Variants in DPYSL5 observed in about 807,000 individuals in gnomAD.
DPYSL5 encodes the protein dihydropyrimidinase like 5.
In DPYSL5, 9 loss-of-function variants were observed where a neutral mutation model predicts 58.4. That is an observed-to-expected ratio of 0.15 (90% confidence interval 0.09 to 0.27). The LOEUF (loss-of-function observed/expected upper bound fraction) is 0.27. Ranked by LOEUF, DPYSL5 falls within the 10% of genes least tolerant of loss-of-function variation. The probability of loss-of-function intolerance (pLI) is 1.00; values close to 1 mark genes in which losing one functional copy is unlikely to be tolerated. For missense variants in DPYSL5, 499 were observed against 770.6 expected (o/e 0.65, Z 4.17); for synonymous variants, 293 against 301.9 (o/e 0.97, Z 0.31).
intron 2 of DPYSL5, among the ~76,000 whole-genome samples, chr2:26,921,928 T>C (rs1357058857): frequency 6.6e-6 from 1 of 152,078 alleles, no homozygotes; most frequent in Non-Finnish European, 1.5e-5. Context: ...CAAGACCACC[T>C]CCTATGCTTC....
In DPYSL5 at chr2:26,898,360, G is replaced by T. The variant is rs983052923; in HGVS notation, c.-4-136G>T. 2 of 1,240,802 alleles carry T rather than the reference G, an allele frequency of 1.6e-6. No homozygotes were observed. Among genetic ancestry groups the T allele is most frequent in the African/African-American group, 3.0e-5 (2 of 66,286 alleles). 76.9% of individuals were successfully genotyped at this position (1,240,802 alleles called of 1,614,324 possible). On this transcript the variant is annotated intron_variant, in intron 1 of 12. Coordinates refer to ENST00000288699, the MANE Select transcript of DPYSL5 (RefSeq NM_020134.4). The surrounding 1 kb of genome is among the most constrained non-coding windows in gnomAD (Gnocchi z 6.1). ...AGCCAGTGGGAGGCTTGTGACTCCC[G>T]CTGGCTGTAGGGGAAAGTTCCTCCT...
In DPYSL5 at chr2:26,925,340, G is replaced by A. The variant is rs1387180759; in HGVS notation, c.420+295G>A. ...GAGGCTCTTACCGTCTCGTGTGAAT[G>A]TAGGGCACCACTGACAGGTCATGGG... On this transcript the variant is annotated intron_variant, in intron 3 of 12. Coordinates refer to ENST00000288699, the MANE Select transcript of DPYSL5 (RefSeq NM_020134.4). The surrounding 1 kb of genome is among the most constrained non-coding windows in gnomAD (Gnocchi z 4.5). 6.6e-6 allele frequency among the ~76,000 whole-genome samples: 1 copy of A among 152,166 alleles called. No individual in the cohort carries two copies. The highest frequency in any genetic ancestry group is 6.5e-5 in the Admixed American group (1 of 15,288).
At chr2:26,920,256 T>A (rs1664671918) in intron 2 of DPYSL5, among the ~76,000 whole-genome samples, 2 of 152,168 alleles carry the variant, frequency 1.3e-5, no homozygotes, top group Admixed American at 1.3e-4. Context: ...AGTGGAAATA[T>A]GGGTATATGT....
chr2:26,871,342 T>G (rs939644690), intron 1 of DPYSL5, among the ~76,000 whole-genome samples: 1 of 152,228 alleles, frequency 6.6e-6, no homozygotes, highest in African/African-American at 2.4e-5. Context: ...TTTCTTTAAA[T>G]AGATTTACTT....
chr2:26,888,431 C>T (rs1309345228), intron 1 of DPYSL5, among the ~76,000 whole-genome samples: 1 of 151,998 alleles, frequency 6.6e-6, no homozygotes, highest in East Asian at 1.9e-4. Flanking sequence ...GCACCATGCC[C>T]AGCTAATTTT....
intron 1 of DPYSL5, among the ~76,000 whole-genome samples, chr2:26,856,951 T>G (rs1331355360): frequency 6.7e-6 from 1 of 148,402 alleles, no homozygotes; most frequent in Non-Finnish European, 1.5e-5. Context: ...ATAATATATA[T>G]TATACTAGTT....
At chr2:26,873,778 G>T (rs1479120830) in intron 1 of DPYSL5, among the ~76,000 whole-genome samples, 2 of 152,176 alleles carry the variant, frequency 1.3e-5, no homozygotes, top group Non-Finnish European at 2.9e-5. Flanking sequence ...ATTAGACGAT[G>T]TCCACCCACA....
chr2:26,888,101 A>G (rs748857767), intron 1 of DPYSL5, among the ~76,000 whole-genome samples: 4 of 152,158 alleles, frequency 2.6e-5, no homozygotes, highest in African/African-American at 4.8e-5. Flanking sequence ...AAGTCCAGGG[A>G]TTGGAGTGAA....
intron 1 of DPYSL5, among the ~76,000 whole-genome samples, chr2:26,860,412 C>T (rs1470033931): frequency 6.6e-6 from 1 of 152,136 alleles, no homozygotes; most frequent in Non-Finnish European, 1.5e-5. Context: ...GTGACAGACA[C>T]CCTGTGTTGC....
intron 1 of DPYSL5, among the ~76,000 whole-genome samples, chr2:26,882,429 C>CTGTGTGTGTG (rs145178218): frequency 1.8e-4 from 27 of 146,302 alleles, no homozygotes; most frequent in African/African-American, 3.5e-4. Flanking sequence ...GTGTGTGTGT[C>CTGTGTGTGTG]TGTGTGTGTG....
rs1274331177 is a variant in DPYSL5 at position 26,945,853 on chromosome 2, C to T, written c.1609+1029C>T. On this transcript the variant is annotated intron_variant, in intron 12 of 12. Coordinates refer to ENST00000288699, the MANE Select transcript of DPYSL5 (RefSeq NM_020134.4). ...CTGCTGTGAGAACAGAGGGCTAAAC[C>T]AGAGGGATGCCAATGGGTCAGCGCC... is the stretch of plus-strand genomic sequence containing the variant. Among the ~76,000 whole-genome samples the T allele has an allele frequency of 2.0e-5, 3 of 152,346 alleles. No individual in the cohort carries two copies. In the East Asian group the frequency reaches 5.8e-4, roughly 29 times the overall value.
chr2:26,899,352 T>G (rs1664095448), intron 2 of DPYSL5, among the ~76,000 whole-genome samples: 1 of 152,106 alleles, frequency 6.6e-6, no homozygotes, highest in African/African-American at 2.4e-5. Flanking sequence ...GTACAAAAAT[T>G]CAGAAGAAAA....
chr2:26,868,391 C>G lies in DPYSL5; in HGVS notation c.-5+20137C>G, dbSNP rs866857627. Among the ~76,000 whole-genome samples the G allele has an allele frequency of 2.2e-4, 33 of 152,204 alleles. No homozygotes were observed. The South Asian group carries it at 3.3e-3, about 15-fold the overall frequency. ...TGTGTGTGGCCTCTGAGTTTGCAGA[C>G]TGAGTTAAAAGCGATCCCCTACTCC... On this transcript the variant is annotated intron_variant, in intron 1 of 12. Transcript: ENST00000288699.
chr2:26,881,820 G>A (rs1224551640), intron 1 of DPYSL5, among the ~76,000 whole-genome samples: 1 of 152,008 alleles, frequency 6.6e-6, no homozygotes, highest in Non-Finnish European at 1.5e-5. Context: ...AGCCAGGCAC[G>A]GTGGCTCACA....
intron 1 of DPYSL5, among the ~76,000 whole-genome samples, chr2:26,876,775 C>T (rs1424951513): frequency 6.6e-6 from 1 of 152,090 alleles, no homozygotes; most frequent in Non-Finnish European, 1.5e-5. Flanking sequence ...CTCGGCCTCC[C>T]AAAGCGCTGG....
At chr2:26,861,061 T>G (rs1665998820) in intron 1 of DPYSL5, among the ~76,000 whole-genome samples, 1 of 152,128 alleles carries the variant, frequency 6.6e-6, no homozygotes, top group Non-Finnish European at 1.5e-5. Flanking sequence ...GAGGGTGAAG[T>G]TCTTGGGCCC....
chr2:26,889,304 C>T (rs1404762991), intron 1 of DPYSL5, among the ~76,000 whole-genome samples: 1 of 151,210 alleles, frequency 6.6e-6, no homozygotes, highest in African/African-American at 2.4e-5. Context: ...GAGTCTTGCT[C>T]TGTTGCCCAG....
intron 1 of DPYSL5, among the ~76,000 whole-genome samples, chr2:26,884,363 C>T (rs2148126598): frequency 6.6e-6 from 1 of 152,234 alleles, no homozygotes; most frequent in Middle Eastern, 3.4e-3. Flanking sequence ...CTCAGCCTGC[C>T]CAGGCCTCAA....
intron 1 of DPYSL5, among the ~76,000 whole-genome samples, chr2:26,881,570 G>A (rs193296737): frequency 1.1e-4 from 17 of 152,202 alleles, no homozygotes; most frequent in African/African-American, 3.6e-4. Context: ...TGTCAGGTCC[G>A]TAAGAAAGAC....
Sources: allele counts gnomAD v4.1 joint callset (sites outside exome capture counted in the v4.1 genomes callset), GRCh38; gene constraint gnomAD v4.1.1; non-coding constraint Gnocchi (gnomAD v3.1); transcripts MANE v1.5; gene names NCBI Gene and HGNC (gene_info 2026-07-23, HGNC 2026-07-21).